SNAPC4: variants seen among roughly 807,000 people sequenced by gnomAD.
SNAPC4 encodes the protein small nuclear RNA activating complex polypeptide 4.
A neutral mutation model predicts 151.3 loss-of-function variants in SNAPC4; 127 were observed. That is an observed-to-expected ratio of 0.84 (90% CI 0.73 to 0.97). SNAPC4 has a LOEUF of 0.97. SNAPC4 is among the 50% of genes least tolerant of loss of function. The probability of loss-of-function intolerance (pLI) is 0.00; values close to 1 mark genes in which losing one functional copy is unlikely to be tolerated. For missense variants in SNAPC4, 2,186 were observed against 1,935.0 expected, an observed-to-expected ratio of 1.13 and a Z score of -2.43; for synonymous variants, 1,002 against 824.4, an observed-to-expected ratio of 1.22 and a Z score of -3.69.
rs202237776 is a variant in SNAPC4, at chr9:136,398,457, C to G, written c.-9-20G>C. ...TCCCGCCTGCCTCCAAAACACACCC[C>G]GAGATGTTAGAAACCAAGACCGTGC... On this transcript the variant is annotated intron_variant, in intron 1 of 23. Transcript: ENST00000684778. 1.1e-5 allele frequency: 17 copies of G among 1,605,400 alleles called. No individual in the cohort carries two copies. The Middle Eastern group carries it at 1.0e-3, about 94-fold the overall frequency.
chr9:136,382,492 A>G (rs563098440), intron 16 of SNAPC4, among the ~76,000 whole-genome samples, 156 bp from the exon 17 acceptor site: 1 of 152,328 alleles, frequency 6.6e-6, no homozygotes, highest in Non-Finnish European at 1.5e-5. Flanking sequence ...CACCATGGGA[A>G]GCGTGGGTTC....
chr9:136,387,654 G>T, intron 12 of SNAPC4, 75 bp from the exon 13 acceptor site: 11 of 1,391,618 alleles, frequency 7.9e-6, no homozygotes, highest in Non-Finnish European at 1.1e-5. Context: ...AACCCAGTCA[G>T]AGAAGGGACC....
At chr9:136,376,281 C>T (rs1833441580) in intron 23 of SNAPC4, 68 bp downstream of exon 23, 1 of 1,574,628 alleles carries the variant, frequency 6.4e-7, no homozygotes, top group South Asian at 1.1e-5. Context: ...AGGCCAAGGC[C>T]CCCTGCCATC....
In SNAPC4 at chr9:136,378,546, AC is replaced by A; in HGVS notation, c.3280del (p.Val1094Ter). 6.3e-7 allele frequency: 1 copy of A among 1,593,150 alleles called. No individual in the cohort carries two copies. Among genetic ancestry groups the A allele is most frequent in the Non-Finnish European group, 8.5e-7 (1 of 1,174,452 alleles). On this transcript the variant is annotated frameshift_variant, in exon 22 of 24. Coordinates refer to ENST00000684778, the MANE Select transcript of SNAPC4 (RefSeq NM_003086.4). LOFTEE classifies it high-confidence loss of function. ...GGTCCCTGCTGGCCTGGGAAGGCTC[AC>A]CACAGCTGGTACAGGAACAGGGAGA... ...GLLPVPVPAV[V>X]SLPRPAGTPG...
At position 136,383,153 on chromosome 9, in the gene SNAPC4, A is replaced by G; in HGVS notation, c.1983+33T>C. On this transcript the variant is annotated intron_variant, in intron 16 of 23. Coordinates refer to ENST00000684778, the MANE Select transcript of SNAPC4 (RefSeq NM_003086.4). This position sits in a 1 kb window ranked among gnomAD's most constrained non-coding sequence, Gnocchi z 4.2. ...CCTGGCGAGCGAGTGCCGAAAGTGC[A>G]CTTCCCGTGGTACACCCAGGGCCGG... 6.6e-7 allele frequency: 1 copy of G among 1,511,244 alleles called. No individual in the cohort carries two copies. Among genetic ancestry groups the G allele is most frequent in the South Asian group, 1.3e-5 (1 of 75,120 alleles). 93.6% of individuals were successfully genotyped at this position (1,511,244 alleles called of 1,614,324 possible). A position where few individuals can be genotyped will look rare whatever the true frequency, so the allele number is the denominator to read the frequency against.
intron 21 of SNAPC4, 33 bp downstream of exon 21, chr9:136,379,804 C>G: frequency 6.2e-7 from 1 of 1,609,308 alleles, no homozygotes; most frequent in Non-Finnish European, 8.5e-7. Flanking sequence ...CAGGTTAGGT[C>G]TCTTCCCCAC....
At position 136,378,021 on chromosome 9, in the gene SNAPC4, A is replaced by C. The variant is rs1158521747; in HGVS notation, c.3806T>G (p.Leu1269Arg). 6.3e-7 allele frequency: 1 copy of C among 1,592,484 alleles called. No homozygotes were observed. Among genetic ancestry groups the C allele is most frequent in the Non-Finnish European group, 8.5e-7 (1 of 1,170,320 alleles). ...LPQPGPEKGALDLGLLSQEGE... is the reference protein window; with the variant it reads ...LPQPGPEKGARDLGLLSQEGE... ...CTCCTGGGACAGCAGGCCCAGGTCC[A>C]GGGCCCCCTTCTCAGGCCCAGGCTG... is the stretch of plus-strand genomic sequence containing the variant. The change falls in exon 22 of 24, where the codon CTG (leucine) becomes CGG (arginine). Residue 1269 changes from leucine to arginine, a missense_variant. Leu to Arg is a moderately radical substitution (Grantham distance 102, BLOSUM62 -2). Transcript: ENST00000684778.
intron 16 of SNAPC4, 104 bp from the exon 17 acceptor site, chr9:136,382,440 AGCG>A: frequency 1.0e-6 from 1 of 991,768 alleles, no homozygotes; most frequent in South Asian, 1.4e-5. Flanking sequence ...CAGGCTCCAA[AGCG>A]TGGCTGTGTA....
At chr9:136,390,337 C>T (rs1037910331) in intron 10 of SNAPC4, among the ~76,000 whole-genome samples, 2 of 152,102 alleles carry the variant, frequency 1.3e-5, no homozygotes, top group East Asian at 3.9e-4. Flanking sequence ...CGGCAGATCA[C>T]AACGTCAGGA....
chr9:136,394,793 C>G lies in SNAPC4; in HGVS notation c.550+7G>C, dbSNP rs377492484. The G allele has an allele frequency of 9.9e-6, 16 of 1,613,274 alleles. No homozygotes were observed. Among genetic ancestry groups the G allele is most frequent in the Middle Eastern group, 1.6e-4 (1 of 6,072 alleles). On this transcript the variant is annotated splice_region_variant and intron_variant, in intron 6 of 23. Transcript: ENST00000684778. Reference sequence around the variant, plus strand: ...AGGGGTGCCGCAGGGCCGGCCAGGGCTCTTACATTTGGTCACAAGGAGCTC... The same window carrying G: ...AGGGGTGCCGCAGGGCCGGCCAGGGGTCTTACATTTGGTCACAAGGAGCTC...
intron 1 of SNAPC4, 81 bp from the exon 2 acceptor site, chr9:136,398,518 G>T: frequency 1.3e-6 from 2 of 1,518,906 alleles, no homozygotes; most frequent in East Asian, 4.6e-5. Flanking sequence ...ACCCGCCCAT[G>T]GGGGATGGCA....
intron 10 of SNAPC4, among the ~76,000 whole-genome samples, chr9:136,390,238 A>G (rs1405315823): frequency 6.6e-6 from 1 of 152,136 alleles, no homozygotes; most frequent in Non-Finnish European, 1.5e-5. Context: ...ACACTTGGAA[A>G]TGACGATTTG....
rs534837190 is a variant in SNAPC4 at position 136,382,267 on chromosome 9, G to T, written c.2053C>A (p.Arg685=). 1.2e-4 allele frequency: 194 copies of T among 1,612,798 alleles called. No homozygotes were observed. The South Asian group carries it at 2.0e-3, about 17-fold the overall frequency. Residue 685 remains arginine (R), a synonymous_variant, in exon 17 of 24, where the codon CGG becomes AGG. Transcript: ENST00000684778. The stretch of plus-strand genomic sequence containing the variant: ...GCAGGCCTCACCTGTGTGCAGCTCC[G>T]AGCAGCCGTGTTGGCCCTGAGCACC... ...LRVLRANTAA[R]SCTQKEQLRQ... is the part of the protein sequence containing the mutation.
In SNAPC4 at chr9:136,394,329, C is replaced by T. The variant is rs534226658; in HGVS notation, c.552G>A (p.Trp184Ter). The T allele has an allele frequency of 2.5e-6, 4 of 1,613,376 alleles. No individual in the cohort carries two copies. In the South Asian group the frequency reaches 4.4e-5, roughly 18 times the overall value. ...KAFEELLVTK[W>*]KNWEKALLRK... ...GGAGCAAGGCCTTTTCCCAGTTTTT[C>T]CCTGAGGAGAAGCCACAGCATCATC... Residue 184 changes from tryptophan (W) to a stop codon, truncating the protein, a stop_gained and splice_region_variant, in exon 7 of 24, where the codon TGG (tryptophan) becomes TGA (stop). Coordinates refer to ENST00000684778, the MANE Select transcript of SNAPC4 (RefSeq NM_003086.4). LOFTEE classifies it high-confidence loss of function.
At chr9:136,389,553 C>T (rs938557499) in intron 10 of SNAPC4, among the ~76,000 whole-genome samples, 6 of 152,272 alleles carry the variant, frequency 3.9e-5, no homozygotes, top group Non-Finnish European at 8.8e-5. Flanking sequence ...CCGGGGTGTG[C>T]AAGCTGCAGG....
At position 136,398,310 on chromosome 9, in the gene SNAPC4, T is replaced by C. The variant is rs75200747; in HGVS notation, c.119A>G (p.Asp40Gly). The C allele has an allele frequency of 0.026, 42,529 of 1,613,286 alleles. 767 individuals carry two copies. Among genetic ancestry groups the C allele is most frequent in the Middle Eastern group, 0.09 (543 of 6,046 alleles). ...TACAAGGGGCTTACCTGCTTCAGAA[T>C]CTGACTCGAGACTTGATTCTGAGAT... ...VEISESSLES[D>G]SEADSLPSED... is the part of the protein sequence containing the mutation. Residue 40 changes from aspartate to glycine, a missense_variant, in exon 2 of 24, where the codon GAT becomes GGT. Asp to Gly is a moderately conservative substitution (Grantham distance 94). Coordinates refer to ENST00000684778, the MANE Select transcript of SNAPC4 (RefSeq NM_003086.4).
rs75546869 is a variant in SNAPC4, at chr9:136,378,326, C to A, written c.3501G>T (p.Ala1167=). The change falls in exon 22 of 24, where the codon GCG becomes GCT. Residue 1167 remains alanine (A), a synonymous_variant. Coordinates refer to ENST00000684778, the MANE Select transcript of SNAPC4 (RefSeq NM_003086.4). ...CAGGGACAAAGGCCACACTGCCATC[C>A]GCTTCTGCAGGACTTTGGGAGAGGG... The part of the protein sequence containing the change: ...THALSQSPAE[A]DGSVAFVPGE... The A allele has an allele frequency of 1.2e-6, 2 of 1,605,044 alleles. No homozygotes were observed. The highest frequency in any genetic ancestry group is 1.7e-6 in the Non-Finnish European group (2 of 1,176,478).
intron 1 of SNAPC4, among the ~76,000 whole-genome samples, chr9:136,399,732 G>C (rs1387309390): frequency 6.6e-6 from 1 of 152,196 alleles, no homozygotes; most frequent in Admixed American, 6.5e-5. Context: ...GACGATGGGC[G>C]TTTAGGCACT....
In SNAPC4 at chr9:136,395,432, G is replaced by C; in HGVS notation, c.346-9C>G. On this transcript the variant is annotated splice_polypyrimidine_tract_variant and intron_variant, in intron 4 of 23. Transcript: ENST00000684778. ...TCCCTCATGAGTTCCTCCTGTGACA[G>C]ACACAAGGCAGGGACCCCTCTATGG... 1 of 1,611,670 alleles carries C rather than the reference G, an allele frequency of 6.2e-7. No individual in the cohort carries two copies. Among genetic ancestry groups the C allele is most frequent in the Non-Finnish European group, 8.5e-7 (1 of 1,178,998 alleles).
Sources: gnomAD v4.1 joint callset for allele counts (sites outside exome capture counted in the v4.1 genomes callset) on GRCh38, gnomAD v4.1.1 for gene constraint, Gnocchi (gnomAD v3.1) non-coding constraint, MANE v1.5 for transcripts, NCBI Gene and HGNC (gene_info 2026-07-23, HGNC 2026-07-21) for gene names.